NCAPD3: variants seen among roughly 807,000 people sequenced by gnomAD.
NCAPD3 encodes the protein non-SMC condensin II complex subunit D3.
A neutral mutation model predicts 182.9 loss-of-function variants in NCAPD3; 105 were observed. The ratio of observed to expected loss-of-function variants is 0.57; its 90% CI spans 0.49 to 0.68. The LOEUF is 0.68. Among genes scored for constraint, NCAPD3 ranks in the 30% least tolerant of loss-of-function variants. The pLI is 0.00. For synonymous variants in NCAPD3, 815 were observed against 679.9 expected (o/e 1.20, Z -3.09); for missense variants, 1,944 against 1,837.0 (o/e 1.06, Z -1.07).
At chr11:134,221,239 A>C (rs1003720500) in intron 1 of NCAPD3, among the ~76,000 whole-genome samples, 3 of 152,214 alleles carry the variant, frequency 2.0e-5, no homozygotes, top group African/African-American at 7.2e-5. Context: ...TCCCAGGAAT[A>C]CTTGGTGACT....
At chr11:134,224,564 G>A (rs533940279), upstream of NCAPD3, 3 of 152,568 alleles carry the variant, frequency 2.0e-5, no homozygotes, top group South Asian at 6.0e-4. Flanking sequence ...CATGCGCAGC[G>A]AGCTCTCCTC....
intron 24 of NCAPD3, among the ~76,000 whole-genome samples, chr11:134,172,136 C>A (rs1047015234): frequency 2.0e-5 from 3 of 152,104 alleles, no homozygotes; most frequent in Admixed American, 2.0e-4. Flanking sequence ...TGTTAAGACG[C>A]CTCCACCTCC....
intron 3 of NCAPD3, among the ~76,000 whole-genome samples, chr11:134,214,839 A>G (rs1349423119): frequency 2.0e-5 from 3 of 152,332 alleles, no homozygotes; most frequent in Admixed American, 6.5e-5. Flanking sequence ...CAAAATACAG[A>G]AGAGAAGGGA....
At chr11:134,160,210 T>A in intron 28 of NCAPD3, 136 bp from the exon 29 acceptor site, 1 of 858,446 alleles carries the variant, frequency 1.2e-6, no homozygotes. Context: ...AAATAAAAGT[T>A]AAGAAAGAAA....
At chr11:134,169,948 T>C (rs971296029) in intron 24 of NCAPD3, among the ~76,000 whole-genome samples, 1 of 152,186 alleles carries the variant, frequency 6.6e-6, no homozygotes, top group South Asian at 2.1e-4. Flanking sequence ...TCAGCTCTCC[T>C]TGGGAGAGGA....
At chr11:134,203,238 T>C in intron 11 of NCAPD3, 40 bp from the exon 12 acceptor site, 1 of 1,374,012 alleles carries the variant, frequency 7.3e-7, no homozygotes, top group Non-Finnish European at 1.0e-6. Context: ...GAAGTCAGTA[T>C]CATAAACTGA....
At chr11:134,167,486 T>C (rs559777480) in intron 27 of NCAPD3, among the ~76,000 whole-genome samples, 2 of 120,870 alleles carry the variant, frequency 1.7e-5, no homozygotes, top group African/African-American at 3.2e-5. Flanking sequence ...GAGATGAGCT[T>C]GGGGGAGGCG....
chr11:134,156,849 G>T, intron 32 of NCAPD3, 169 bp downstream of exon 32: 4 of 582,140 alleles, frequency 6.9e-6, no homozygotes, highest in Non-Finnish European at 1.2e-5. Flanking sequence ...AGTGCTCATG[G>T]ATCAAGCGAC....
intron 13 of NCAPD3, among the ~76,000 whole-genome samples, chr11:134,202,302 G>A (rs1184336483): frequency 2.0e-5 from 3 of 152,138 alleles, no homozygotes; most frequent in Non-Finnish European, 2.9e-5. Flanking sequence ...TGTTACAACC[G>A]GAAAACGACA....
Position 134,168,586 on chromosome 11 carries a change from A to C in NCAPD3, c.3256T>G (p.Ser1086Ala). 2 of 1,614,162 alleles carry C rather than the reference A, an allele frequency of 1.2e-6. No individual in the cohort carries two copies. The highest frequency in any genetic ancestry group is 1.7e-6 in the Non-Finnish European group (2 of 1,180,038). ...PQSEREKRLFSLKGKSNKERR... is the reference protein window; with the variant it reads ...PQSEREKRLFALKGKSNKERR... ...TCTTTGTTTGACTTTCCCTTCAATG[A>C]AAACAGCCGCTTCTCTCTGTGGCAG... Residue 1086 changes from serine (S) to alanine (A), a missense_variant, in exon 26 of 35, where the codon TCA (serine) becomes GCA (alanine). Coordinates refer to ENST00000534548, the MANE Select transcript of NCAPD3 (RefSeq NM_015261.3).
rs932028662 is a variant in NCAPD3 at position 134,192,926 on chromosome 11, T to G, written c.1825-17A>C. 6.8e-7 allele frequency: 1 copy of G among 1,473,934 alleles called. No homozygotes were observed. Among genetic ancestry groups the G allele is most frequent in the Admixed American group, 1.7e-5 (1 of 59,508 alleles). 91.3% of individuals were successfully genotyped at this position (1,473,934 alleles called of 1,614,324 possible). A position where few individuals can be genotyped will look rare whatever the true frequency, so the allele number is the denominator to read the frequency against. Reference sequence around the variant, plus strand: ...AGGCTGAGCCTTAGGAGTGAAAGATTATGACATGAGAAGGTCTAAATACAA... The same window carrying G: ...AGGCTGAGCCTTAGGAGTGAAAGATGATGACATGAGAAGGTCTAAATACAA... On this transcript the variant is annotated splice_polypyrimidine_tract_variant and intron_variant, in intron 15 of 34. Transcript: ENST00000534548.
intron 16 of NCAPD3, among the ~76,000 whole-genome samples, chr11:134,187,815 A>C (rs1004963239): frequency 6.6e-6 from 1 of 152,210 alleles, no homozygotes. Context: ...GAGGAAGTGC[A>C]CTGAACTATT....
chr11:134,168,582 A>G lies in NCAPD3; in HGVS notation c.3260T>C (p.Leu1087Ser). ...TCTCTCTTTGTTTGACTTTCCCTTC[A>G]ATGAAAACAGCCGCTTCTCTCTGTG... ...QSEREKRLFS[L>S]KGKSNKERRM... The change falls in exon 26 of 35, where the codon TTG (leucine) becomes TCG (serine). Residue 1087 changes from leucine (L) to serine (S), a missense_variant. Around this residue, in one of 3 missense-constraint regions of NCAPD3, gnomAD observed 1,803 missense variants for 1,674.6 expected, o/e 1.08. Transcript: ENST00000534548. 1.2e-6 allele frequency: 2 copies of G among 1,614,062 alleles called. No individual in the cohort carries two copies. Among genetic ancestry groups the G allele is most frequent in the Non-Finnish European group, 8.5e-7 (1 of 1,180,016 alleles).
chr11:134,157,192 C>A, intron 31 of NCAPD3, 97 bp from the exon 32 acceptor site: 1 of 895,504 alleles, frequency 1.1e-6, no homozygotes. Context: ...GACGTAAAGT[C>A]AAAATCACTA....
intron 17 of NCAPD3, 22 bp downstream of exon 17, chr11:134,185,313 G>C (rs1189119711): frequency 1.3e-6 from 2 of 1,570,394 alleles, no homozygotes; most frequent in Admixed American, 1.9e-5. Context: ...TGTCATTACT[G>C]GTTAAATTAG....
chr11:134,213,627 T>G (rs1031057428), intron 3 of NCAPD3, among the ~76,000 whole-genome samples: 4 of 146,972 alleles, frequency 2.7e-5, no homozygotes, highest in Non-Finnish European at 4.5e-5. Flanking sequence ...CTCGTCTCTC[T>G]TAAAAAAAAA....
Position 134,194,167 on chromosome 11 carries a change from C to T in NCAPD3, c.1690-17G>A. The T allele has an allele frequency of 1.9e-6, 3 of 1,611,256 alleles. No individual in the cohort carries two copies. Among genetic ancestry groups the T allele is most frequent in the Non-Finnish European group, 2.5e-6 (3 of 1,178,416 alleles). On this transcript the variant is annotated splice_polypyrimidine_tract_variant and intron_variant, in intron 14 of 34. Coordinates refer to ENST00000534548, the MANE Select transcript of NCAPD3 (RefSeq NM_015261.3). ...CACTAATACCTAGAAGGCATAGACGCAACATGAACTGTTAACTGCATAGCA... is the reference window on the plus strand; with the variant it reads ...CACTAATACCTAGAAGGCATAGACGTAACATGAACTGTTAACTGCATAGCA...
In NCAPD3 at chr11:134,152,428, A is replaced by T. The variant is rs996190632; in HGVS notation, c.*516T>A. 2 of 152,286 alleles carry T rather than the reference A, an allele frequency of 1.3e-5. No individual in the cohort carries two copies. Among genetic ancestry groups the T allele is most frequent in the Non-Finnish European group, 2.9e-5 (2 of 68,074 alleles). The allele number at this position is 152,286 out of a possible 1,614,324, so 9.4% of individuals were successfully genotyped here. A position where few individuals can be genotyped will look rare whatever the true frequency, so the allele number is the denominator to read the frequency against. ...TCTGTTCTAAAAACAGAAAAATCCT[A>T]TTGACTACTGGAAGGCTGTATTTAT... On this transcript the variant is annotated 3_prime_UTR_variant, in exon 35 of 35. Transcript: ENST00000534548.
intron 8 of NCAPD3, among the ~76,000 whole-genome samples, chr11:134,206,348 G>A (rs1031974075): frequency 3.9e-5 from 6 of 152,182 alleles, no homozygotes; most frequent in African/African-American, 1.2e-4. Context: ...CATATTGAGC[G>A]CAAACAAGCT....
Sources: gnomAD v4.1 joint callset for allele counts (sites outside exome capture counted in the v4.1 genomes callset) on GRCh38, gnomAD v4.1.1 for gene constraint, gnomAD v4.1.1 regional missense constraint, MANE v1.5 for transcripts, NCBI Gene and HGNC (gene_info 2026-07-23, HGNC 2026-07-21) for gene names.